Variants in ACSM4 observed in about 807,000 individuals in gnomAD.
The protein encoded by ACSM4 is acyl-CoA synthetase medium chain family member 4.
ACSM4 carries 66 observed loss-of-function variants against 73.0 expected under a neutral mutation model. The ratio of observed to expected loss-of-function variants is 0.90; its 90% CI spans 0.74 to 1.11. The LOEUF (loss-of-function observed/expected upper bound fraction) is 1.11. ACSM4 is among the 50% of genes least tolerant of loss of function. The pLI, the probability that ACSM4 is intolerant of heterozygous loss-of-function variation, is 0.00. For synonymous variants in ACSM4, 222 were observed against 254.0 expected (o/e 0.87, Z 1.20); for missense variants, 645 against 714.4 (o/e 0.90, Z 1.11).
intron 3 of ACSM4, among the ~76,000 whole-genome samples, chr12:7,312,498 C>G (rs1214349988): frequency 1.3e-5 from 2 of 151,956 alleles, no homozygotes; most frequent in African/African-American, 4.8e-5. Flanking sequence ...ACATGCAAAC[C>G]CTGCTGAATA....
intron 6 of ACSM4, among the ~76,000 whole-genome samples, chr12:7,321,816 A>T (rs1946465825): frequency 6.6e-6 from 1 of 152,204 alleles, no homozygotes; most frequent in Admixed American, 6.5e-5. Flanking sequence ...CTTGCTAAGC[A>T]TCAACTCCAT....
In ACSM4 at chr12:7,328,232, G is replaced by A. The variant is rs377390929; in HGVS notation, c.1657-55G>A. 3,043 of 1,374,252 alleles carry A rather than the reference G, an allele frequency of 2.2e-3. 8 individuals are homozygous for A. The highest frequency in any genetic ancestry group is 2.9e-3 in the Non-Finnish European group (2,879 of 994,924). 85.1% of individuals were successfully genotyped at this position (1,374,252 alleles called of 1,614,324 possible). On this transcript the variant is annotated intron_variant, in intron 12 of 12. Coordinates refer to ENST00000399422, the MANE Select transcript of ACSM4 (RefSeq NM_001080454.2). The stretch of plus-strand genomic sequence containing the variant: ...CCATGCAAGCTCCTTCCTATCGCAC[G>A]GACAATTGGAAGGATGGAATCAAGT...
intron 2 of ACSM4, 72 bp from the exon 3 acceptor site, chr12:7,310,467 C>G (rs911401044): frequency 4.9e-6 from 7 of 1,427,082 alleles, no homozygotes; most frequent in Non-Finnish European, 6.7e-6. Flanking sequence ...TTCTCCTCAC[C>G]GAGGCACAAA....
At chr12:7,306,797 C>G (rs1018094676) in intron 2 of ACSM4, 54 bp downstream of exon 2, 6 of 1,312,948 alleles carry the variant, frequency 4.6e-6, no homozygotes, top group Non-Finnish European at 6.1e-6. Flanking sequence ...GACTGAAACT[C>G]AATGGTTTTC....
rs1314550288 is a variant in ACSM4, at chr12:7,318,017, A to G, written c.765-9A>G. The G allele has an allele frequency of 1.2e-6, 2 of 1,608,394 alleles. No homozygotes were observed. Among genetic ancestry groups the G allele is most frequent in the Non-Finnish European group, 1.7e-6 (2 of 1,177,192 alleles). On this transcript the variant is annotated splice_polypyrimidine_tract_variant and intron_variant, in intron 4 of 12. Transcript: ENST00000399422. ...TTGGTCTGTTTTGTTGCTTTTTCAT[A>G]TCATTTAGGTATTGGCTGGACTTGA...
At chr12:7,311,587 A>G (rs139607575) in intron 3 of ACSM4, among the ~76,000 whole-genome samples, 202 of 152,340 alleles carry the variant, frequency 1.3e-3, no homozygotes, top group Admixed American at 2.2e-3. Flanking sequence ...TATCATGCCC[A>G]TTCATCCATT....
At chr12:7,318,229 T>C in intron 5 of ACSM4, 47 bp downstream of exon 5, 1 of 1,588,100 alleles carries the variant, frequency 6.3e-7, no homozygotes, top group Non-Finnish European at 8.6e-7. Context: ...TTCTTCCTTG[T>C]TTCCCATAAA....
chr12:7,321,846 G>A (rs1565755096), intron 6 of ACSM4, among the ~76,000 whole-genome samples: 1 of 152,178 alleles, frequency 6.6e-6, no homozygotes, highest in Non-Finnish European at 1.5e-5. Flanking sequence ...AGGATTAAGA[G>A]CCCCCTCATA....
chr12:7,313,683 A>T (rs1299785580), intron 3 of ACSM4, among the ~76,000 whole-genome samples: 1 of 152,150 alleles, frequency 6.6e-6, no homozygotes, highest in Non-Finnish European at 1.5e-5. Context: ...GATTCTGATC[A>T]TGAGGGGTTC....
chr12:7,311,954 G>C (rs578144303), intron 3 of ACSM4, among the ~76,000 whole-genome samples: 1 of 152,130 alleles, frequency 6.6e-6, no homozygotes, highest in African/African-American at 2.4e-5. Context: ...GCCTCCCAAA[G>C]TGCTGGGATT....
At chr12:7,309,746 A>G (rs1485470317) in intron 2 of ACSM4, among the ~76,000 whole-genome samples, 1 of 151,906 alleles carries the variant, frequency 6.6e-6, no homozygotes, top group Non-Finnish European at 1.5e-5. Flanking sequence ...GTCCCAATGG[A>G]TTGTTGAAAA....
At chr12:7,318,284 T>C in intron 5 of ACSM4, 102 bp downstream of exon 5, 2 of 1,444,232 alleles carry the variant, frequency 1.4e-6, no homozygotes, top group Non-Finnish European at 1.9e-6. Context: ...TCTTGGGCTT[T>C]TGGAAATCAT....
intron 11 of ACSM4, among the ~76,000 whole-genome samples, chr12:7,326,518 A>C (rs1207293889): frequency 1.3e-5 from 2 of 152,038 alleles, no homozygotes; most frequent in Non-Finnish European, 2.9e-5. Context: ...CCCTTTCCTG[A>C]GATTTGATCT....
chr12:7,315,077 T>A (rs888458915), intron 3 of ACSM4, among the ~76,000 whole-genome samples: 13 of 151,950 alleles, frequency 8.6e-5, no homozygotes, highest in Non-Finnish European at 1.3e-4. Flanking sequence ...ATGCCTGTAG[T>A]CTCAGCTACT....
chr12:7,321,648 C>A (rs1281517237), intron 6 of ACSM4, among the ~76,000 whole-genome samples: 2 of 152,176 alleles, frequency 1.3e-5, no homozygotes, highest in Non-Finnish European at 2.9e-5. Context: ...CTACCCACAC[C>A]CTCTGGCCCA....
chr12:7,310,801 A>C, intron 3 of ACSM4, 55 bp downstream of exon 3: 4 of 1,524,662 alleles, frequency 2.6e-6, no homozygotes, highest in Non-Finnish European at 3.6e-6. Context: ...AATTATAGCT[A>C]TATCTTGGAA....
intron 3 of ACSM4, among the ~76,000 whole-genome samples, chr12:7,311,356 T>C (rs1002472814): frequency 6.6e-5 from 10 of 152,184 alleles, no homozygotes; most frequent in African/African-American, 2.2e-4. Context: ...CCCACCACTC[T>C]CCCTTTTCTT....
intron 5 of ACSM4, among the ~76,000 whole-genome samples, chr12:7,319,150 A>T (rs1039091228): frequency 2.6e-5 from 4 of 152,210 alleles, no homozygotes; most frequent in Admixed American, 2.6e-4. Flanking sequence ...GATGGGAGAT[A>T]GTGACAGATC....
In ACSM4 at chr12:7,319,295, G is replaced by A. The variant is rs1195351467; in HGVS notation, c.921+1113G>A. On this transcript the variant is annotated intron_variant, in intron 5 of 12. Coordinates refer to ENST00000399422, the MANE Select transcript of ACSM4 (RefSeq NM_001080454.2). ...GGAGGCGGAGCTCAGGTGGTAATGC[G>A]GGCAATGGGGAGTGGCTATAAATAC... Among the ~76,000 whole-genome samples, 12 of 152,084 alleles carry A rather than the reference G, an allele frequency of 7.9e-5. No homozygotes were observed. In the South Asian group the frequency reaches 1.5e-3, roughly 18 times the overall value.
Sources: allele counts gnomAD v4.1 joint callset (sites outside exome capture counted in the v4.1 genomes callset), GRCh38; gene constraint gnomAD v4.1.1; transcripts MANE v1.5; gene names NCBI Gene and HGNC (gene_info 2026-07-23, HGNC 2026-07-21).